VIPAS39: variants seen among roughly 807,000 people sequenced by gnomAD.
VIPAS39 encodes spermatogenesis-defective protein 39 homolog.
In VIPAS39, 63 loss-of-function variants were observed where a neutral mutation model predicts 84.7. The ratio of observed to expected loss-of-function variants is 0.74; its 90% CI spans 0.61 to 0.92. VIPAS39 has a LOEUF of 0.92. VIPAS39 is among the 40% of genes least tolerant of loss of function. VIPAS39 has a pLI of 0.00. For missense variants in VIPAS39, 499 were observed against 604.5 expected (o/e 0.83, Z 1.83); for synonymous variants, 192 against 216.5 (o/e 0.89, Z 0.99).
intron 16 of VIPAS39, among the ~76,000 whole-genome samples, chr14:77,430,339 G>A (rs186468573): frequency 2.0e-4 from 31 of 152,150 alleles, no homozygotes; most frequent in Non-Finnish European, 4.1e-4. Context: ...AACCCATAAT[G>A]GAAAAACAGA....
At chr14:77,435,230 T>C (rs1010881649) in intron 14 of VIPAS39, 29 bp downstream of exon 14, 1 of 1,613,822 alleles carries the variant, frequency 6.2e-7, no homozygotes, top group Non-Finnish European at 8.5e-7. Context: ...CAATGAGAGT[T>C]TGTGGAATCT....
chr14:77,456,769 T>C (rs555746164), intron 1 of VIPAS39, among the ~76,000 whole-genome samples: 15 of 152,312 alleles, frequency 9.8e-5, no homozygotes, highest in African/African-American at 2.4e-4. Context: ...TTTTTAACCA[T>C]GCAATGGCAG....
chr14:77,457,367 T>C (rs1400464402), intron 1 of VIPAS39, 128 bp downstream of exon 1: 2 of 1,535,540 alleles, frequency 1.3e-6, no homozygotes, highest in Non-Finnish European at 1.7e-6. Context: ...TCGCCCTGAC[T>C]GAAAGAAGAG....
intron 9 of VIPAS39, 30 bp downstream of exon 9, chr14:77,443,089 G>A (rs868416651): frequency 1.2e-6 from 2 of 1,614,028 alleles, no homozygotes; most frequent in Non-Finnish European, 1.7e-6. Flanking sequence ...ACACCTTGCT[G>A]ACTGAAGATT....
chr14:77,455,161 TGCCCTGC>T (rs2078941572), intron 1 of VIPAS39, among the ~76,000 whole-genome samples: 1 of 152,200 alleles, frequency 6.6e-6, no homozygotes, highest in African/African-American at 2.4e-5. Flanking sequence ...AATTCAATTT[TGCCCTGC>T]AAAAACAAGT....
chr14:77,451,463 A>T, intron 3 of VIPAS39, 130 bp from the exon 4 acceptor site: 1 of 1,362,340 alleles, frequency 7.3e-7, no homozygotes, highest in Non-Finnish European at 1.0e-6. Flanking sequence ...CAGGGAGAAA[A>T]GATAGAATCA....
intron 11 of VIPAS39, among the ~76,000 whole-genome samples, chr14:77,439,097 C>G (rs942687143): frequency 6.6e-6 from 1 of 152,088 alleles, no homozygotes; most frequent in African/African-American, 2.4e-5. Context: ...ACATGGGAAA[C>G]CTTCATATTC....
chr14:77,453,633 C>A (rs553100642), intron 2 of VIPAS39, among the ~76,000 whole-genome samples: 1 of 152,140 alleles, frequency 6.6e-6, no homozygotes, highest in Non-Finnish European at 1.5e-5. Flanking sequence ...GAATTCTCAT[C>A]ATATTCCTGG....
chr14:77,433,612 T>C (rs1415159209), intron 16 of VIPAS39, among the ~76,000 whole-genome samples: 1 of 152,222 alleles, frequency 6.6e-6, no homozygotes, highest in Admixed American at 6.5e-5. Flanking sequence ...AAAGCATACA[T>C]GGCAAAATTG....
At chr14:77,455,726 T>TA (rs1272761858) in intron 1 of VIPAS39, among the ~76,000 whole-genome samples, 4 of 152,306 alleles carry the variant, frequency 2.6e-5, no homozygotes, top group African/African-American at 9.6e-5. Context: ...TGATAGCCCT[T>TA]AAAGATACTC....
chr14:77,427,683 T>A (rs1266045552), intron 19 of VIPAS39, 47 bp from the exon 20 acceptor site: 2 of 1,612,982 alleles, frequency 1.2e-6, no homozygotes, highest in Non-Finnish European at 1.7e-6. Flanking sequence ...TTTTCACTTA[T>A]CCCTACAGCA....
At position 77,453,333 on chromosome 14, in the gene VIPAS39, C is replaced by G. The variant is rs200653382; in HGVS notation, c.162G>C (p.Leu54=). The G allele has an allele frequency of 1.2e-6, 2 of 1,614,136 alleles. No homozygotes were observed. Among genetic ancestry groups the G allele is most frequent in the Non-Finnish European group, 1.7e-6 (2 of 1,180,022 alleles). The stretch of plus-strand genomic sequence containing the variant: ...GTTCCCCACTCCAGCTGACTCGCTC[C>G]AGGTCATCATCGTCATCATCATCCA... The part of the protein sequence containing the change: ...DFVDDDDDDD[L]ERVSWSGEPV... Residue 54 remains leucine, a synonymous_variant, in exon 3 of 20, where the codon CTG becomes CTC. Coordinates refer to ENST00000557658, the MANE Select transcript of VIPAS39 (RefSeq NM_001193315.2).
chr14:77,448,593 C>A, intron 6 of VIPAS39, 43 bp from the exon 7 acceptor site: 1 of 1,601,700 alleles, frequency 6.2e-7, no homozygotes, highest in South Asian at 1.1e-5. Flanking sequence ...GTTAAGGAAT[C>A]AAATTTATCA....
chr14:77,451,300 T>C lies in VIPAS39; in HGVS notation c.230A>G (p.Asn77Ser), dbSNP rs200162591. 111 of 1,614,212 alleles carry C rather than the reference T, an allele frequency of 6.9e-5. 2 individuals carry two copies. In the East Asian group the frequency reaches 2.4e-3, roughly 35 times the overall value. The change falls in exon 4 of 20, where the codon AAT becomes AGT. Residue 77 changes from asparagine to serine, a missense_variant. Asn to Ser is a conservative substitution (Grantham distance 46, BLOSUM62 1). Transcript: ENST00000557658. Reference protein sequence around the residue: ...ISWSIRETAGNSGSTHEGREQ... With the variant: ...ISWSIRETAGSSGSTHEGREQ... ...ACGCCCCTCGTGGGTTGAGCCGCTA[T>C]TACCAGCAGTCTCTCTGATGGACCA...
chr14:77,449,468 A>C, intron 5 of VIPAS39, 111 bp from the exon 6 acceptor site: 6 of 1,404,280 alleles, frequency 4.3e-6, no homozygotes, highest in Non-Finnish European at 5.0e-6. Flanking sequence ...TCCCAATGTT[A>C]ACTTTATGGC....
chr14:77,451,043 G>T, intron 4 of VIPAS39, 144 bp downstream of exon 4: 4 of 1,171,520 alleles, frequency 3.4e-6, no homozygotes, highest in Non-Finnish European at 2.5e-6. Flanking sequence ...CATTTATCTC[G>T]CTCCTAACAC....
chr14:77,431,999 A>G (rs1192337284), intron 16 of VIPAS39, among the ~76,000 whole-genome samples: 1 of 152,226 alleles, frequency 6.6e-6, no homozygotes, highest in African/African-American at 2.4e-5. Flanking sequence ...TGGTATATAT[A>G]TACATACATG....
intron 16 of VIPAS39, among the ~76,000 whole-genome samples, chr14:77,432,053 T>C (rs2078531356): frequency 6.6e-6 from 1 of 152,180 alleles, no homozygotes; most frequent in Non-Finnish European, 1.5e-5. Context: ...ATGAGGACTG[T>C]AGTTAATAGT....
rs1566740988 is a variant in VIPAS39 at position 77,454,087 on chromosome 14, C to T, written c.16G>A (p.Gly6Ser). 1 of 1,613,988 alleles carries T rather than the reference C, an allele frequency of 6.2e-7. No individual in the cohort carries two copies. The highest frequency in any genetic ancestry group is 8.5e-7 in the Non-Finnish European group (1 of 1,180,016). The change falls in exon 2 of 20, where the codon GGT becomes AGT. Residue 6 changes from glycine (G) to serine (S), a missense_variant. Transcript: ENST00000557658. ...CTGTTCCAATACTCCTCCTCATCAC[C>T]CTTTGTCCGATTCATCTACAGTGAC... is the stretch of plus-strand genomic sequence containing the variant. The part of the protein sequence containing the change: MNRTK[G>S]DEEEYWNSSK...
Sources: gnomAD v4.1 joint callset for allele counts (sites outside exome capture counted in the v4.1 genomes callset) on GRCh38, gnomAD v4.1.1 for gene constraint, MANE v1.5 for transcripts, NCBI Gene and HGNC (gene_info 2026-07-23, HGNC 2026-07-21) for gene names.